The following ATXN7L1 variants were observed in gnomAD, a reference collection of about 807,000 sequenced individuals.
ATXN7L1 encodes ataxin-7-like protein 1.
A neutral mutation model predicts 70.8 loss-of-function variants in ATXN7L1; 15 were observed. The ratio of observed to expected loss-of-function variants is 0.21; its 90% CI spans 0.14 to 0.33. The LOEUF is 0.33. ATXN7L1 is among the 10% of genes least tolerant of loss of function. The pLI is 1.00. For missense variants in ATXN7L1, 975 were observed against 1,097.1 expected (o/e 0.89, Z 1.57); for synonymous variants, 440 against 445.1 (o/e 0.99, Z 0.14).
chr7:105,677,735 T>C (rs1804910866), intron 3 of ATXN7L1, among the ~76,000 whole-genome samples: 1 of 152,214 alleles, frequency 6.6e-6, no homozygotes, highest in Non-Finnish European at 1.5e-5. Flanking sequence ...CTCAGCCTTA[T>C]CCCTGCCCCT....
intron 5 of ATXN7L1, among the ~76,000 whole-genome samples, chr7:105,641,504 A>G (rs1293435469): frequency 6.6e-6 from 1 of 152,138 alleles, no homozygotes; most frequent in East Asian, 1.9e-4. Context: ...AAATGCAAAA[A>G]CAATGTGCGG....
intron 3 of ATXN7L1, among the ~76,000 whole-genome samples, chr7:105,752,849 G>T (rs148095796): frequency 1.3e-5 from 2 of 152,202 alleles, no homozygotes; most frequent in Non-Finnish European, 2.9e-5. Flanking sequence ...CCTGAACAAA[G>T]CCCTCCCTTG....
intron 3 of ATXN7L1, among the ~76,000 whole-genome samples, chr7:105,707,917 C>T (rs545673918): frequency 6.6e-6 from 1 of 152,356 alleles, no homozygotes; most frequent in Non-Finnish European, 1.5e-5. Flanking sequence ...TCCTGTGTCT[C>T]ATCTTTCTCA....
intron 2 of ATXN7L1, among the ~76,000 whole-genome samples, chr7:105,813,745 C>G (rs182964268): frequency 1.6e-3 from 242 of 152,222 alleles, no homozygotes; most frequent in Middle Eastern, 3.4e-3. Flanking sequence ...TGGCCACTTT[C>G]TGTTTTCTGG....
chr7:105,721,356 G>T lies in ATXN7L1; in HGVS notation c.356-56068C>A, dbSNP rs1795161234. Among the ~76,000 whole-genome samples the T allele has an allele frequency of 2.0e-5, 3 of 152,222 alleles. No homozygotes were observed. The South Asian group carries it at 6.2e-4, about 31-fold the overall frequency. ...GCCTGACTCAAAAAATAAAGGGTTG[G>T]GTGGGGGACAACGGGGTGCGAAGCG... On this transcript the variant is annotated intron_variant, in intron 3 of 11. Transcript: ENST00000419735.
At chr7:105,732,419 C>A (rs565638911) in intron 3 of ATXN7L1, among the ~76,000 whole-genome samples, 56 of 152,200 alleles carry the variant, frequency 3.7e-4, no homozygotes, top group African/African-American at 1.3e-3. Context: ...TCTAAATAAA[C>A]CTAAGTACAG....
At chr7:105,818,300 G>A (rs776243762) in intron 2 of ATXN7L1, among the ~76,000 whole-genome samples, 5 of 152,170 alleles carry the variant, frequency 3.3e-5, no homozygotes, top group Non-Finnish European at 5.9e-5. Context: ...CTCCTGAGTG[G>A]CTGGGGCTAC....
intron 10 of ATXN7L1, among the ~76,000 whole-genome samples, chr7:105,611,866 T>A (rs550812140): frequency 3.0e-4 from 46 of 152,328 alleles, no homozygotes; most frequent in African/African-American, 1.1e-3. Flanking sequence ...GCCTTTGCCT[T>A]TACTGAATAC....
intron 3 of ATXN7L1, among the ~76,000 whole-genome samples, chr7:105,693,491 G>A (rs917292843): frequency 7.9e-5 from 12 of 152,226 alleles, no homozygotes; most frequent in Admixed American, 2.6e-4. Flanking sequence ...GTGTCTGACC[G>A]AGTGAGAAAT....
chr7:105,850,501 T>C (rs971863900), intron 2 of ATXN7L1, among the ~76,000 whole-genome samples: 10 of 152,236 alleles, frequency 6.6e-5, no homozygotes, highest in African/African-American at 2.4e-4. Context: ...AACAACCCTA[T>C]GAGCTACCTG....
chr7:105,664,802 G>T (rs1283023017), intron 4 of ATXN7L1, among the ~76,000 whole-genome samples: 1 of 151,582 alleles, frequency 6.6e-6, no homozygotes, highest in African/African-American at 2.4e-5. Context: ...CCTGACCTCA[G>T]GTGATCTACC....
intron 2 of ATXN7L1, among the ~76,000 whole-genome samples, chr7:105,840,797 C>T (rs1813094503): frequency 6.6e-6 from 1 of 152,244 alleles, no homozygotes; most frequent in Non-Finnish European, 1.5e-5. Context: ...GGTGAGCACA[C>T]TCTTCCAGGT....
chr7:105,671,008 G>T (rs1803499886), intron 3 of ATXN7L1, among the ~76,000 whole-genome samples: 2 of 151,166 alleles, frequency 1.3e-5, no homozygotes, highest in South Asian at 4.2e-4. Flanking sequence ...TCGGGAGGCT[G>T]AGGCAGGAGA....
At chr7:105,843,329 G>A (rs17152217) in intron 2 of ATXN7L1, among the ~76,000 whole-genome samples, 8,773 of 152,320 alleles carry the variant, frequency 0.058, 459 homozygotes, top group East Asian at 0.22. Flanking sequence ...AGGCTTGAAG[G>A]TGGGATTAGC....
chr7:105,802,980 T>C (rs1368659307), intron 2 of ATXN7L1, among the ~76,000 whole-genome samples: 2 of 152,246 alleles, frequency 1.3e-5, no homozygotes, highest in Admixed American at 6.5e-5. Context: ...GATGGTCCCA[T>C]CTTTCTAGAA....
chr7:105,674,796 T>G (rs181337513), intron 3 of ATXN7L1, among the ~76,000 whole-genome samples: 54 of 152,326 alleles, frequency 3.5e-4, no homozygotes, highest in Middle Eastern at 3.4e-3. Flanking sequence ...TATACTAAGG[T>G]GCAAATTTCT....
chr7:105,619,979 G>A (rs1282650341), intron 9 of ATXN7L1, among the ~76,000 whole-genome samples: 1 of 152,010 alleles, frequency 6.6e-6, no homozygotes, highest in Non-Finnish European at 1.5e-5. Flanking sequence ...CACAAAAATG[G>A]TCTCCAAAAA....
intron 3 of ATXN7L1, among the ~76,000 whole-genome samples, chr7:105,776,578 G>A (rs1043415123): frequency 3.3e-5 from 5 of 152,096 alleles, no homozygotes; most frequent in African/African-American, 1.2e-4. Context: ...TGTGGACTCA[G>A]GGAATTGAAT....
At chr7:105,695,426 G>T (rs1364628067) in intron 3 of ATXN7L1, among the ~76,000 whole-genome samples, 1 of 152,222 alleles carries the variant, frequency 6.6e-6, no homozygotes, top group East Asian at 1.9e-4. Flanking sequence ...TGTGGGGGGA[G>T]CTTCGGACAT....
Sources: gnomAD v4.1 joint callset for allele counts (sites outside exome capture counted in the v4.1 genomes callset) on GRCh38, gnomAD v4.1.1 for gene constraint, MANE v1.5 for transcripts, NCBI Gene and HGNC (gene_info 2026-07-23, HGNC 2026-07-21) for gene names.